VN1R2: variants seen among roughly 807,000 people sequenced by gnomAD.
VN1R2 encodes vomeronasal 1 receptor 2, also known as vomeronasal type-1 receptor 2.
For missense variants in VN1R2, 418 were observed against 452.4 expected (o/e 0.92, Z 0.69); for synonymous variants, 160 against 173.1 (o/e 0.92, Z 0.59).
At position 53,259,409 on chromosome 19, in the gene VN1R2, G is replaced by A. The variant is rs760742816; in HGVS notation, c.1034G>A (p.Ser345Asn). 1.9e-5 allele frequency: 31 copies of A among 1,614,190 alleles called. No homozygotes were observed. The highest frequency in any genetic ancestry group is 2.6e-5 in the Non-Finnish European group (31 of 1,180,050). The change falls in exon 1 of 1, where the codon AGT becomes AAT. Residue 345 changes from serine to asparagine, a missense_variant. By Grantham distance (46) the Ser-to-Asn change is conservative. Coordinates refer to ENST00000341702, the MANE Select transcript of VN1R2 (RefSeq NM_173856.2). Reference protein sequence around the residue: ...YVYLALFDNSSWWLVNTAALI... With the variant: ...YVYLALFDNSNWWLVNTAALI... ...TATTTAGCTCTCTTCGATAATTCCA[G>A]TTGGTGGCTAGTGAACACTGCTGCA...
Position 53,258,877 on chromosome 19 carries a change from G to A in VN1R2, c.502G>A (p.Ala168Thr). The A allele has an allele frequency of 6.2e-7, 1 of 1,614,112 alleles. No individual in the cohort carries two copies. Among genetic ancestry groups the A allele is most frequent in the Non-Finnish European group, 8.5e-7 (1 of 1,180,026 alleles). ...NYFGCKFLLY[A>T]HRVGRGVSIG... is the part of the protein sequence containing the mutation. ...TTTTGGATGCAAATTTCTTTTGTATGCACACAGGGTAGGCAGGGGTGTGTC... is the reference window on the plus strand; with the variant it reads ...TTTTGGATGCAAATTTCTTTTGTATACACACAGGGTAGGCAGGGGTGTGTC... The change falls in exon 1 of 1, where the codon GCA becomes ACA. Residue 168 changes from alanine (A) to threonine (T), a missense_variant. Transcript: ENST00000341702.
At position 53,258,873 on chromosome 19, in the gene VN1R2, G is replaced by C. The variant is rs1478594341; in HGVS notation, c.498G>C (p.Leu166Phe). 1 of 1,614,076 alleles carries C rather than the reference G, an allele frequency of 6.2e-7. No individual in the cohort carries two copies. Among genetic ancestry groups the C allele is most frequent in the Non-Finnish European group, 8.5e-7 (1 of 1,180,022 alleles). The change falls in exon 1 of 1, where the codon TTG becomes TTC. Residue 166 changes from leucine (L) to phenylalanine (F), a missense_variant. Physicochemically the swap from Leu to Phe is conservative, Grantham distance 22. Transcript: ENST00000341702. ...FDNYFGCKFL[L>F]YAHRVGRGVS... ...ATTATTTTGGATGCAAATTTCTTTT[G>C]TATGCACACAGGGTAGGCAGGGGTG...
Position 53,258,720 on chromosome 19 carries a change from C to T in VN1R2, c.345C>T (p.Tyr115=). 1 of 1,613,930 alleles carries T rather than the reference C, an allele frequency of 6.2e-7. No individual in the cohort carries two copies. The highest frequency in any genetic ancestry group is 1.1e-5 in the South Asian group (1 of 91,024). Residue 115 remains tyrosine (Y), a synonymous_variant, in exon 1 of 1, where the codon TAC becomes TAT. Transcript: ENST00000341702. ...TCTTATATTATTATATGTTCCTTTACTTTAGGGGATACAAGCCAAGATCCA... is the reference window on the plus strand; with the variant it reads ...TCTTATATTATTATATGTTCCTTTATTTTAGGGGATACAAGCCAAGATCCA... ...FSLLYYYMFL[Y]FRGYKPRSTD...
At position 53,259,017 on chromosome 19, in the gene VN1R2, C is replaced by G; in HGVS notation, c.642C>G (p.Ile214Met). The change falls in exon 1 of 1, where the codon ATC (isoleucine) becomes ATG (methionine). Residue 214 changes from isoleucine (I) to methionine (M), a missense_variant. Physicochemically the swap from Ile to Met is conservative, Grantham distance 10. Coordinates refer to ENST00000341702, the MANE Select transcript of VN1R2 (RefSeq NM_173856.2). ...CGACATACATTGGTCTCTCCAATAT[C>G]CTGTGCTGGGCCTTCCACATGCTGG... Reference protein sequence around the residue: ...KAPTYIGLSNILCWAFHMLVN... With the variant: ...KAPTYIGLSNMLCWAFHMLVN... 5.0e-6 allele frequency: 8 copies of G among 1,614,172 alleles called. No homozygotes were observed. The highest frequency in any genetic ancestry group is 6.8e-6 in the Non-Finnish European group (8 of 1,180,042).
chr19:53,258,671 T>G lies in VN1R2; in HGVS notation c.296T>G (p.Val99Gly). The G allele has an allele frequency of 4.3e-6, 7 of 1,614,010 alleles. No homozygotes were observed. The highest frequency in any genetic ancestry group is 5.9e-6 in the Non-Finnish European group (7 of 1,179,940). The part of the protein sequence containing the change: ...GLDPTLFQVV[V>G]GILGNFSLLY... ...GACCCTACACTATTCCAGGTAGTTG[T>G]TGGAATCCTGGGGAATTTTTCACTC... The change falls in exon 1 of 1, where the codon GTT becomes GGT. Residue 99 changes from valine to glycine, a missense_variant. Transcript: ENST00000341702.
rs1156409622 is a variant in VN1R2 at position 53,259,474 on chromosome 19, C to T, written c.1099C>T (p.Leu367Phe). 1.2e-5 allele frequency: 19 copies of T among 1,614,174 alleles called. No homozygotes were observed. Among genetic ancestry groups the T allele is most frequent in the Non-Finnish European group, 1.6e-5 (19 of 1,180,034 alleles). The stretch of plus-strand genomic sequence containing the variant: ...TTTTCCAACTATTAGCCCTTTTGTT[C>T]TCATGTGCCGTGACCCCAGCAGATC... ...ACFPTISPFV[L>F]MCRDPSRSRL... The change falls in exon 1 of 1, where the codon CTC (leucine) becomes TTC (phenylalanine). Residue 367 changes from leucine (L) to phenylalanine (F), a missense_variant. Physicochemically the swap from Leu to Phe is conservative, Grantham distance 22. Coordinates refer to ENST00000341702, the MANE Select transcript of VN1R2 (RefSeq NM_173856.2).
chr19:53,259,284 C>G lies in VN1R2; in HGVS notation c.909C>G (p.Leu303=). Residue 303 remains leucine (L), a synonymous_variant, in exon 1 of 1, where the codon CTC becomes CTG. Coordinates refer to ENST00000341702, the MANE Select transcript of VN1R2 (RefSeq NM_173856.2). The part of the protein sequence containing the change: ...QQVQHICRNN[L]YPNSSPGNRA... Reference sequence around the variant, plus strand: ...TACAACACATCTGTAGGAACAATCTCTACCCCAACTCTTCTCCTGGGAACA... The same window carrying G: ...TACAACACATCTGTAGGAACAATCTGTACCCCAACTCTTCTCCTGGGAACA... 6.2e-7 allele frequency: 1 copy of G among 1,614,094 alleles called. No individual in the cohort carries two copies. The highest frequency in any genetic ancestry group is 8.5e-7 in the Non-Finnish European group (1 of 1,180,016).
chr19:53,259,435 C>G lies in VN1R2; in HGVS notation c.1060C>G (p.Leu354Val). ...SSWWLVNTAA[L>V]IIACFPTISP... ...TTGGTGGCTAGTGAACACTGCTGCA[C>G]TAATCATTGCCTGTTTTCCAACTAT... is the stretch of plus-strand genomic sequence containing the variant. The change falls in exon 1 of 1, where the codon CTA becomes GTA. Residue 354 changes from leucine to valine, a missense_variant. Leu to Val is a conservative substitution (Grantham distance 32). Transcript: ENST00000341702. 6.2e-7 allele frequency: 1 copy of G among 1,614,192 alleles called. No homozygotes were observed. The highest frequency in any genetic ancestry group is 8.5e-7 in the Non-Finnish European group (1 of 1,180,026).
Position 53,258,654 on chromosome 19 carries a change from A to G in VN1R2, c.279A>G (p.Thr93=), listed in dbSNP as rs1367522761. Residue 93 remains threonine (T), a synonymous_variant, in exon 1 of 1, where the codon ACA becomes ACG. Transcript: ENST00000341702. The part of the protein sequence containing the change: ...KPTKPVGLDP[T]LFQVVVGILG... ...CCAAACCTGTGGGGCTGGACCCTACACTATTCCAGGTAGTTGTTGGAATCC... is the reference window on the plus strand; with the variant it reads ...CCAAACCTGTGGGGCTGGACCCTACGCTATTCCAGGTAGTTGTTGGAATCC... 1.9e-6 allele frequency: 3 copies of G among 1,613,538 alleles called. No homozygotes were observed. The highest frequency in any genetic ancestry group is 2.2e-5 in the East Asian group (1 of 44,866).
rs1342611954 is a variant in VN1R2, at chr19:53,259,510, A to G, written c.1135A>G (p.Ser379Gly). The G allele has an allele frequency of 3.1e-6, 5 of 1,613,808 alleles. No individual in the cohort carries two copies. The highest frequency in any genetic ancestry group is 3.4e-6 in the Non-Finnish European group (4 of 1,179,956). ...CRDPSRSRLC[S>G]ICCRRNRRFF... ...TGACCCCAGCAGATCCAGGCTCTGC[A>G]GTATCTGCTGCAGAAGAAATAGACG... Residue 379 changes from serine to glycine, a missense_variant, in exon 1 of 1, where the codon AGT (serine) becomes GGT (glycine). Ser to Gly is a moderately conservative substitution (Grantham distance 56). Transcript: ENST00000341702.
rs267605651 is a variant in VN1R2, at chr19:53,259,224, C to T, written c.849C>T (p.Ser283=). 1 of 1,614,160 alleles carries T rather than the reference C, an allele frequency of 6.2e-7. No homozygotes were observed. The highest frequency in any genetic ancestry group is 8.5e-7 in the Non-Finnish European group (1 of 1,180,030). The part of the protein sequence containing the change: ...CLGLMLWASS[S]IVLVLYRHKQ... ...GGCTCATGCTCTGGGCCAGCAGCTC[C>T]ATCGTTTTGGTCTTGTACAGGCACA... Residue 283 remains serine (S), a synonymous_variant, in exon 1 of 1, where the codon TCC becomes TCT. Transcript: ENST00000341702.
chr19:53,259,116 A>G lies in VN1R2; in HGVS notation c.741A>G (p.Gly247=), dbSNP rs961303949. ...ACATCACAAAGAAAGGAGATTTGGG[A>G]TATTGTTCTGCCCCACTTAGTGATG... The part of the protein sequence containing the change: ...NNNITKKGDL[G]YCSAPLSDEV... The change falls in exon 1 of 1, where the codon GGA becomes GGG. Residue 247 remains glycine (G), a synonymous_variant. Coordinates refer to ENST00000341702, the MANE Select transcript of VN1R2 (RefSeq NM_173856.2). 6.2e-7 allele frequency: 1 copy of G among 1,614,170 alleles called. No homozygotes were observed. Among genetic ancestry groups the G allele is most frequent in the Non-Finnish European group, 8.5e-7 (1 of 1,180,028 alleles).
chr19:53,258,464 G>A lies in VN1R2; in HGVS notation c.89G>A (p.Cys30Tyr). 4.2e-6 allele frequency: 4 copies of A among 956,124 alleles called. No individual in the cohort carries two copies. The highest frequency in any genetic ancestry group is 6.6e-6 in the Non-Finnish European group (4 of 605,084). 59.2% of individuals were successfully genotyped at this position (956,124 alleles called of 1,614,324 possible). A position where few individuals can be genotyped will look rare whatever the true frequency, so the allele number is the denominator to read the frequency against. Residue 30 changes from cysteine (C) to tyrosine (Y), a missense_variant, in exon 1 of 1, where the codon TGC becomes TAC. By Grantham distance (194) the Cys-to-Tyr change is radical. Transcript: ENST00000341702. ...CATTTGGGGCCACTACCAGTCTCCT[G>A]CTTTGTATCCAATAAATATCAGTGC... The part of the protein sequence containing the change: ...AWHLGPLPVS[C>Y]FVSNKYQCSL...
Position 53,258,797 on chromosome 19 carries a change from C to A in VN1R2, c.422C>A (p.Ser141Tyr). The change falls in exon 1 of 1, where the codon TCT becomes TAT. Residue 141 changes from serine (S) to tyrosine (Y), a missense_variant. Ser to Tyr is a moderately radical substitution (Grantham distance 144, BLOSUM62 -2). Coordinates refer to ENST00000341702, the MANE Select transcript of VN1R2 (RefSeq NM_173856.2). The stretch of plus-strand genomic sequence containing the variant: ...GTAGCTGACTCCTTGGTTATCCTAT[C>A]TAAAAGAATCCCAGAGACCATGGCA... ...LTVADSLVIL[S>Y]KRIPETMATF... The A allele has an allele frequency of 6.2e-7, 1 of 1,614,196 alleles. No individual in the cohort carries two copies.
chr19:53,258,498 A>G lies in VN1R2; in HGVS notation c.123A>G (p.Ala41=), dbSNP rs2091322465. 5 of 1,251,444 alleles carry G rather than the reference A, an allele frequency of 4.0e-6. No homozygotes were observed. Among genetic ancestry groups the G allele is most frequent in the Non-Finnish European group, 5.7e-6 (5 of 874,914 alleles). The allele number at this position is 1,251,444 out of a possible 1,614,324, so 77.5% of individuals were successfully genotyped here. A position where few individuals can be genotyped will look rare whatever the true frequency, so the allele number is the denominator to read the frequency against. ...FVSNKYQCSL[A]FGATTGLRVL... ...CCAATAAATATCAGTGCAGCCTGGC[A>G]TTCGGGGCCACTACCGGTCTCCGCG... The change falls in exon 1 of 1, where the codon GCA becomes GCG. Residue 41 remains alanine, a synonymous_variant. Coordinates refer to ENST00000341702, the MANE Select transcript of VN1R2 (RefSeq NM_173856.2).
Position 53,258,375 on chromosome 19 carries a change from G to C in VN1R2, c.-1G>C, listed in dbSNP as rs1421409509. On this transcript the variant is annotated 5_prime_UTR_variant, in exon 1 of 1. Coordinates refer to ENST00000341702, the MANE Select transcript of VN1R2 (RefSeq NM_173856.2). ...CCACGTGACCTTACCTATCATTGGA[G>C]ATGACTCACACTCTTTACCCTACCC... The C allele has an allele frequency of 1.5e-6, 1 of 688,256 alleles. No homozygotes were observed. Among genetic ancestry groups the C allele is most frequent in the South Asian group, 1.6e-5 (1 of 61,176 alleles). The allele number at this position is 688,256 out of a possible 1,614,324, so 42.6% of individuals were successfully genotyped here.
At position 53,259,486 on chromosome 19, in the gene VN1R2, G is replaced by T. The variant is rs2091327063; in HGVS notation, c.1111G>T (p.Asp371Tyr). The change falls in exon 1 of 1, where the codon GAC becomes TAC. Residue 371 changes from aspartate (D) to tyrosine (Y), a missense_variant. Physicochemically the swap from Asp to Tyr is radical, Grantham distance 160. Coordinates refer to ENST00000341702, the MANE Select transcript of VN1R2 (RefSeq NM_173856.2). ...TISPFVLMCRDPSRSRLCSIC... is the reference protein window; with the variant it reads ...TISPFVLMCRYPSRSRLCSIC... ...TAGCCCTTTTGTTCTCATGTGCCGT[G>T]ACCCCAGCAGATCCAGGCTCTGCAG... is the stretch of plus-strand genomic sequence containing the variant. 1 of 1,614,130 alleles carries T rather than the reference G, an allele frequency of 6.2e-7. No individual in the cohort carries two copies. Among genetic ancestry groups the T allele is most frequent in the South Asian group, 1.1e-5 (1 of 91,080 alleles).
chr19:53,259,242 CA>C (rs772896964), exon 1 of VN1R2: 78 of 1,614,074 alleles, frequency 4.8e-5, no homozygotes, highest in Non-Finnish European at 6.2e-5. Context: ...TGGTCTTGTA[CA>C]GGCACAAACA....
Position 53,259,275 on chromosome 19 carries a change from G to C in VN1R2, c.900G>C (p.Arg300Ser). 1.2e-6 allele frequency: 2 copies of C among 1,614,136 alleles called. No individual in the cohort carries two copies. Among genetic ancestry groups the C allele is most frequent in the Non-Finnish European group, 1.7e-6 (2 of 1,180,032 alleles). The stretch of plus-strand genomic sequence containing the variant: ...AACAGCAGGTACAACACATCTGTAG[G>C]AACAATCTCTACCCCAACTCTTCTC... ...RHKQQVQHIC[R>S]NNLYPNSSPG... is the part of the protein sequence containing the mutation. The change falls in exon 1 of 1, where the codon AGG (arginine) becomes AGC (serine). Residue 300 changes from arginine to serine, a missense_variant. Physicochemically the swap from Arg to Ser is moderately radical, Grantham distance 110. Coordinates refer to ENST00000341702, the MANE Select transcript of VN1R2 (RefSeq NM_173856.2).
Sources: gnomAD v4.1 joint callset for allele counts on GRCh38, gnomAD v4.1.1 for gene constraint, MANE v1.5 for transcripts, NCBI Gene and HGNC (gene_info 2026-07-23, HGNC 2026-07-21) for gene names.